Variants in ZNF892 observed in about 807,000 individuals in gnomAD.
The protein encoded by ZNF892 is zinc finger protein 892.
At chr2:95,228,746 C>T in the ZNF892 span, among the ~76,000 whole-genome samples, 1 of 152,142 alleles carries the variant, frequency 6.6e-6, no homozygotes, top group Non-Finnish European at 1.5e-5. Flanking sequence ...AGCTTTCTAT[C>T]TCCACTTTCC....
chr2:95,247,029 A>C, the ZNF892 span, among the ~76,000 whole-genome samples: 1 of 152,236 alleles, frequency 6.6e-6, no homozygotes, highest in Non-Finnish European at 1.5e-5. Context: ...TATGGAACCA[A>C]AACAGAGCCC....
the ZNF892 span, among the ~76,000 whole-genome samples, chr2:95,213,686 C>T: frequency 6.6e-6 from 1 of 152,074 alleles, no homozygotes; most frequent in Non-Finnish European, 1.5e-5. Context: ...AGTTGCTTTC[C>T]AATTAATAAG....
At chr2:95,243,467 A>G in the ZNF892 span, among the ~76,000 whole-genome samples, 1 of 135,292 alleles carries the variant, frequency 7.4e-6, no homozygotes, top group South Asian at 2.5e-4. Context: ...CCGGCCGCCC[A>G]TCGTCTGAGA....
the ZNF892 span, among the ~76,000 whole-genome samples, chr2:95,209,028 A>G: frequency 6.6e-6 from 1 of 152,380 alleles, no homozygotes; most frequent in Non-Finnish European, 1.5e-5. Flanking sequence ...GGAGTTTACT[A>G]AGGCAGTGAG....
the ZNF892 span, among the ~76,000 whole-genome samples, chr2:95,247,849 A>T: frequency 2.4e-3 from 369 of 152,254 alleles, 1 homozygote; most frequent in Middle Eastern, 3.4e-3. Flanking sequence ...ACATGCTGGG[A>T]AGGCTATGTA....
chr2:95,207,505 G>C, the ZNF892 span: 1 of 291,758 alleles, frequency 3.4e-6, no homozygotes, highest in Non-Finnish European at 6.3e-6. Context: ...GCCCCGCGGA[G>C]GATTCTGGGA....
At chr2:95,253,878 A>G in the ZNF892 span, among the ~76,000 whole-genome samples, 2 of 150,848 alleles carry the variant, frequency 1.3e-5, no homozygotes, top group African/African-American at 2.4e-5. Context: ...TGATTTGGCT[A>G]TCTGTCTGTT....
At chr2:95,250,651 T>G in the ZNF892 span, among the ~76,000 whole-genome samples, 1 of 140,822 alleles carries the variant, frequency 7.1e-6, no homozygotes, top group Admixed American at 7.2e-5. Context: ...AAATATAAAC[T>G]ATTCATAAAT....
At chr2:95,233,858 T>G in the ZNF892 span, among the ~76,000 whole-genome samples, 2 of 151,738 alleles carry the variant, frequency 1.3e-5, no homozygotes, top group Non-Finnish European at 2.9e-5. Flanking sequence ...TTTTGTATTT[T>G]TTGTAGAAAT....
the ZNF892 span, among the ~76,000 whole-genome samples, chr2:95,228,086 T>C: frequency 6.6e-6 from 1 of 152,260 alleles, no homozygotes; most frequent in South Asian, 2.1e-4. Flanking sequence ...CCTGCCTCTT[T>C]AGTTTCCTTC....
chr2:95,243,753 G>A, the ZNF892 span, among the ~76,000 whole-genome samples: 47 of 151,478 alleles, frequency 3.1e-4, no homozygotes, highest in South Asian at 4.2e-4. Flanking sequence ...CAGCCGCCCC[G>A]TCCGGGAGGT....
the ZNF892 span, among the ~76,000 whole-genome samples, chr2:95,261,729 A>C: frequency 6.6e-6 from 1 of 152,212 alleles, no homozygotes; most frequent in Non-Finnish European, 1.5e-5. Context: ...CGATAGAGGA[A>C]GTTGCCTTGC....
chr2:95,236,610 A>G, the ZNF892 span, among the ~76,000 whole-genome samples: 1 of 152,342 alleles, frequency 6.6e-6, no homozygotes, highest in African/African-American at 2.4e-5. Flanking sequence ...AGGAGCCTGT[A>G]TCATTGCATA....
At chr2:95,239,690 C>T in the ZNF892 span, among the ~76,000 whole-genome samples, 4,379 of 152,158 alleles carry the variant, frequency 0.029, 225 homozygotes, top group African/African-American at 0.1. Context: ...TGCGATAGTG[C>T]AATCTTGGCT....
chr2:95,224,205 A>T, the ZNF892 span, among the ~76,000 whole-genome samples: 4 of 152,328 alleles, frequency 2.6e-5, no homozygotes, highest in African/African-American at 9.6e-5. Flanking sequence ...AGACTAAGGT[A>T]ACTCCTAACT....
the ZNF892 span, among the ~76,000 whole-genome samples, chr2:95,235,537 A>G: frequency 6.6e-6 from 1 of 151,824 alleles, no homozygotes; most frequent in African/African-American, 2.4e-5. Flanking sequence ...AATTTTTTGT[A>G]TTTTTACTAG....
At chr2:95,226,645 G>A in the ZNF892 span, among the ~76,000 whole-genome samples, 2 of 152,106 alleles carry the variant, frequency 1.3e-5, no homozygotes, top group South Asian at 4.1e-4. Context: ...GAGATTTCCT[G>A]GACTAAGCAG....
At chr2:95,226,356 T>A in the ZNF892 span, among the ~76,000 whole-genome samples, 1 of 152,370 alleles carries the variant, frequency 6.6e-6, no homozygotes, top group East Asian at 1.9e-4. Context: ...TGATAAATTG[T>A]CAGTTTCTGT....
chr2:95,256,497 C>T, the ZNF892 span, among the ~76,000 whole-genome samples: 3 of 152,172 alleles, frequency 2.0e-5, no homozygotes, highest in African/African-American at 4.8e-5. Flanking sequence ...CTCTGGCTGC[C>T]CTTAACATTT....
Sources: gnomAD v4.1 joint callset for allele counts (sites outside exome capture counted in the v4.1 genomes callset) on GRCh38, gnomAD v4.1.1 for gene constraint, MANE v1.5 for transcripts, NCBI Gene and HGNC (gene_info 2026-07-23, HGNC 2026-07-21) for gene names.